Variants in EPHA6 observed in about 807,000 individuals in gnomAD.
EPHA6 encodes ephrin type-A receptor 6.
Under a neutral mutation model 112.0 loss-of-function variants are expected in EPHA6, and 50 were observed. That is an observed-to-expected ratio of 0.45 (90% CI 0.36 to 0.56). EPHA6 has a LOEUF of 0.56. EPHA6 is among the 20% of genes least tolerant of loss of function. The pLI is 0.00. For missense variants in EPHA6, 1,280 were observed against 1,417.4 expected (o/e 0.90, Z 1.56); for synonymous variants, 529 against 490.7 (o/e 1.08, Z -1.03).
At chr3:97,116,914 A>G (rs931210603) in intron 3 of EPHA6, among the ~76,000 whole-genome samples, 2 of 151,532 alleles carry the variant, frequency 1.3e-5, no homozygotes, top group Non-Finnish European at 3.0e-5. Context: ...TTTCCTTACC[A>G]TTTTTCATAA....
Position 97,722,097 on chromosome 3 carries a change from C to T in EPHA6, c.2934+1687C>T, listed in dbSNP as rs1181647480. 2.0e-5 allele frequency among the ~76,000 whole-genome samples: 3 copies of T among 152,244 alleles called. No individual in the cohort carries two copies. In the East Asian group the frequency reaches 5.8e-4, roughly 30 times the overall value. On this transcript the variant is annotated intron_variant, in intron 15 of 17. Coordinates refer to ENST00000389672, the MANE Select transcript of EPHA6 (RefSeq NM_001080448.3). ...AGTCTTCACTGCACAGAAGAGTCTT[C>T]AAGTACCCTCCCTAATTGGTATTCT...
intron 2 of EPHA6, among the ~76,000 whole-genome samples, chr3:96,910,503 C>T (rs899549233): frequency 1.3e-5 from 2 of 152,084 alleles, no homozygotes; most frequent in African/African-American, 4.8e-5. Context: ...CTTACTATTT[C>T]TTGGAAGGTT....
chr3:97,204,064 T>C (rs1439206670), intron 3 of EPHA6, among the ~76,000 whole-genome samples: 2 of 152,008 alleles, frequency 1.3e-5, no homozygotes, highest in Non-Finnish European at 2.9e-5. Flanking sequence ...TCTAAACAAC[T>C]TTTTTTTACT....
At chr3:96,846,611 G>A (rs569195543) in intron 1 of EPHA6, among the ~76,000 whole-genome samples, 114 of 152,098 alleles carry the variant, frequency 7.5e-4, no homozygotes, top group Middle Eastern at 6.8e-3. Flanking sequence ...GAATAGATGC[G>A]CAATAGCTTT....
At chr3:97,031,889 C>T (rs1279412384) in intron 3 of EPHA6, among the ~76,000 whole-genome samples, 3 of 152,046 alleles carry the variant, frequency 2.0e-5, no homozygotes, top group Non-Finnish European at 2.9e-5. Context: ...GTCAGTGTGG[C>T]GATTCATCAG....
chr3:97,710,973 A>G (rs937154081), intron 14 of EPHA6, among the ~76,000 whole-genome samples: 4 of 152,238 alleles, frequency 2.6e-5, no homozygotes, highest in East Asian at 1.9e-4. Flanking sequence ...TCAAATAATT[A>G]TCATCCAACC....
chr3:97,470,287 G>T (rs1255907367), intron 7 of EPHA6, among the ~76,000 whole-genome samples: 1 of 151,678 alleles, frequency 6.6e-6, no homozygotes, highest in Non-Finnish European at 1.5e-5. Context: ...GCTTTGTTGA[G>T]ATTTGTGCTA....
chr3:97,515,781 G>T (rs1242547089), intron 10 of EPHA6, among the ~76,000 whole-genome samples: 4 of 152,026 alleles, frequency 2.6e-5, no homozygotes, highest in Non-Finnish European at 5.9e-5. Context: ...TGAGGACAGT[G>T]CTATATTTAG....
chr3:96,855,443 G>T (rs2035635917), intron 1 of EPHA6, among the ~76,000 whole-genome samples: 1 of 152,174 alleles, frequency 6.6e-6, no homozygotes, highest in Non-Finnish European at 1.5e-5. Context: ...ATAGGATATT[G>T]GTTCACAATT....
At chr3:97,271,371 A>C (rs2079873806) in intron 5 of EPHA6, among the ~76,000 whole-genome samples, 1 of 152,110 alleles carries the variant, frequency 6.6e-6, no homozygotes, top group South Asian at 2.1e-4. Context: ...AATTCCTTTA[A>C]TTTTTGAGAC....
chr3:97,727,699 T>C (rs1240861005), intron 15 of EPHA6, among the ~76,000 whole-genome samples: 1 of 152,106 alleles, frequency 6.6e-6, no homozygotes, highest in Admixed American at 6.6e-5. Context: ...TATTTGAATA[T>C]GTATTCTACC....
chr3:97,503,238 C>A (rs2092169214), intron 10 of EPHA6, among the ~76,000 whole-genome samples: 1 of 152,048 alleles, frequency 6.6e-6, no homozygotes, highest in Non-Finnish European at 1.5e-5. Context: ...CAGTGTTTTT[C>A]CCTGCAAAGG....
chr3:97,016,796 A>G (rs2044281626), intron 3 of EPHA6, among the ~76,000 whole-genome samples: 1 of 152,190 alleles, frequency 6.6e-6, no homozygotes, highest in Non-Finnish European at 1.5e-5. Context: ...TAGAATTATC[A>G]CAGGCATCTG....
At chr3:97,218,431 T>C (rs1020368717) in intron 3 of EPHA6, among the ~76,000 whole-genome samples, 1 of 152,210 alleles carries the variant, frequency 6.6e-6, no homozygotes, top group South Asian at 2.1e-4. Context: ...AAACTTACAA[T>C]TGTGGCGGAA....
chr3:97,736,118 T>C lies in EPHA6; in HGVS notation c.3128T>C (p.Val1043Ala). ...CACACCCTGGTGGAGGACATCCTTG[T>C]GTAAGAGGCATAATGTTGAGTTTTT... ...ALHTLVEDILVMPESPGEVPE... is the reference protein window; with the variant it reads ...ALHTLVEDILAMPESPGEVPE... Residue 1043 changes from valine to alanine, a missense_variant and splice_region_variant, in exon 16 of 18, where the codon GTA becomes GCA. Coordinates refer to ENST00000389672, the MANE Select transcript of EPHA6 (RefSeq NM_001080448.3). 1 of 1,609,478 alleles carries C rather than the reference T, an allele frequency of 6.2e-7. No individual in the cohort carries two copies. Among genetic ancestry groups the C allele is most frequent in the Non-Finnish European group, 8.5e-7 (1 of 1,177,202 alleles).
At chr3:97,091,420 T>C (rs1240135995) in intron 3 of EPHA6, among the ~76,000 whole-genome samples, 1 of 152,144 alleles carries the variant, frequency 6.6e-6, no homozygotes, top group Non-Finnish European at 1.5e-5. Context: ...TCCGAACAAA[T>C]GTTATCCTAA....
chr3:96,997,393 C>T (rs1393099277), intron 3 of EPHA6, among the ~76,000 whole-genome samples: 3 of 152,022 alleles, frequency 2.0e-5, no homozygotes, highest in African/African-American at 7.2e-5. Context: ...AGGCCTTCCT[C>T]ACTAAGTTTA....
At chr3:97,664,036 G>T (rs2094188762) in intron 14 of EPHA6, among the ~76,000 whole-genome samples, 1 of 152,178 alleles carries the variant, frequency 6.6e-6, no homozygotes. Context: ...TCTAACTGGT[G>T]TGAGATGGTG....
intron 5 of EPHA6, among the ~76,000 whole-genome samples, chr3:97,268,776 G>A (rs2079782248): frequency 6.6e-6 from 1 of 152,066 alleles, no homozygotes; most frequent in Non-Finnish European, 1.5e-5. Context: ...TATCTTTAGA[G>A]GAGAAGATAT....
Sources: gnomAD v4.1 joint callset for allele counts (sites outside exome capture counted in the v4.1 genomes callset) on GRCh38, gnomAD v4.1.1 for gene constraint, MANE v1.5 for transcripts, NCBI Gene and HGNC (gene_info 2026-07-23, HGNC 2026-07-21) for gene names.